Variants in EFCAB6 observed in about 807,000 individuals in gnomAD.
EFCAB6 encodes EF-hand calcium binding domain 6.
Under a neutral mutation model 169.8 loss-of-function variants are expected in EFCAB6, and 156 were observed. The observed-to-expected ratio is 0.92, with a 90% CI of 0.81 to 1.05. The LOEUF (loss-of-function observed/expected upper bound fraction) is 1.05. Ranked by LOEUF, EFCAB6 falls within the 50% of genes least tolerant of loss-of-function variation. EFCAB6 has a pLI of 0.00. For synonymous variants in EFCAB6, 698 were observed against 676.4 expected (o/e 1.03, Z -0.50); for missense variants, 1,800 against 1,829.1 (o/e 0.98, Z 0.29).
chr22:43,640,261 T>A (rs2055708114), intron 17 of EFCAB6, among the ~76,000 whole-genome samples: 1 of 152,200 alleles, frequency 6.6e-6, no homozygotes, highest in Non-Finnish European at 1.5e-5. Context: ...AAGAGTGACA[T>A]GTTTTATGTC....
intron 30 of EFCAB6, among the ~76,000 whole-genome samples, chr22:43,533,040 C>T (rs749542890): frequency 1.4e-4 from 22 of 152,360 alleles, no homozygotes; most frequent in East Asian, 5.8e-4. Flanking sequence ...CTGGAGCTGA[C>T]GCCATGATGG....
intron 28 of EFCAB6, among the ~76,000 whole-genome samples, chr22:43,538,453 A>G (rs1340678538): frequency 6.6e-6 from 1 of 152,108 alleles, no homozygotes; most frequent in African/African-American, 2.4e-5. Context: ...CAGTGGTGCA[A>G]TCTCGGCTCA....
intron 26 of EFCAB6, among the ~76,000 whole-genome samples, chr22:43,570,840 C>T (rs147328037): frequency 4.3e-4 from 66 of 152,294 alleles, no homozygotes; most frequent in African/African-American, 1.5e-3. Flanking sequence ...GGCTGGTTCT[C>T]AAGCCCAGGA....
chr22:43,577,370 A>C (rs947751749), intron 25 of EFCAB6, among the ~76,000 whole-genome samples: 1 of 152,202 alleles, frequency 6.6e-6, no homozygotes. Flanking sequence ...GGCACGCCCC[A>C]TTGGCCCAAC....
At chr22:43,706,219 C>A (rs1371812823) in intron 10 of EFCAB6, among the ~76,000 whole-genome samples, 1 of 152,216 alleles carries the variant, frequency 6.6e-6, no homozygotes, top group African/African-American at 2.4e-5. Flanking sequence ...GGCCCCAGAA[C>A]ATACCACGTG....
At chr22:43,776,473 G>A (rs2061645426) in intron 3 of EFCAB6, among the ~76,000 whole-genome samples, 2 of 152,176 alleles carry the variant, frequency 1.3e-5, no homozygotes, top group African/African-American at 4.8e-5. Context: ...AATGAAAATG[G>A]AAAGACAAAA....
chr22:43,531,725 A>G (rs975011683), intron 30 of EFCAB6, among the ~76,000 whole-genome samples: 9 of 152,008 alleles, frequency 5.9e-5, no homozygotes, highest in African/African-American at 1.9e-4. Flanking sequence ...CCAGGTACCC[A>G]AGACTTCATG....
intron 23 of EFCAB6, among the ~76,000 whole-genome samples, chr22:43,593,372 A>G (rs1188223420): frequency 6.6e-6 from 1 of 152,158 alleles, no homozygotes; most frequent in Non-Finnish European, 1.5e-5. Flanking sequence ...ACAGGCAGAG[A>G]AAGAGTGTAC....
chr22:43,665,102 T>C (rs2057185029), intron 17 of EFCAB6, among the ~76,000 whole-genome samples: 1 of 152,062 alleles, frequency 6.6e-6, no homozygotes, highest in Admixed American at 6.5e-5. Flanking sequence ...GAAAAAAAGG[T>C]TGTTGTCTTT....
chr22:43,683,170 G>A (rs2058069481), intron 12 of EFCAB6, among the ~76,000 whole-genome samples: 1 of 152,186 alleles, frequency 6.6e-6, no homozygotes, highest in South Asian at 2.1e-4. Context: ...TACCGAATGT[G>A]CTTAGTAAAT....
At chr22:43,549,398 A>G (rs534104613) in intron 27 of EFCAB6, among the ~76,000 whole-genome samples, 5 of 152,316 alleles carry the variant, frequency 3.3e-5, no homozygotes, top group Non-Finnish European at 2.9e-5. Context: ...AGATAACAGT[A>G]CACTATTAAT....
intron 6 of EFCAB6, among the ~76,000 whole-genome samples, chr22:43,740,769 GA>G (rs1344636233): frequency 6.6e-6 from 1 of 152,202 alleles, no homozygotes; most frequent in Non-Finnish European, 1.5e-5. Flanking sequence ...CGCTCTGCCT[GA>G]AAGAGGGAGC....
intron 5 of EFCAB6, 59 bp downstream of exon 5, chr22:43,765,246 A>C (rs1241809827): frequency 2.2e-6 from 3 of 1,346,170 alleles, no homozygotes; most frequent in East Asian, 2.3e-5. Flanking sequence ...GCTTCACGTC[A>C]TAGCTCTTAC....
intron 6 of EFCAB6, among the ~76,000 whole-genome samples, chr22:43,743,697 G>A (rs552324418): frequency 2.0e-5 from 3 of 152,280 alleles, no homozygotes; most frequent in South Asian, 2.1e-4. Context: ...AATATTAAGC[G>A]GCTGAAACGG....
chr22:43,567,348 G>A (rs1234767412), intron 26 of EFCAB6, among the ~76,000 whole-genome samples: 1 of 152,154 alleles, frequency 6.6e-6, no homozygotes, highest in African/African-American at 2.4e-5. Flanking sequence ...ATAAATTCAT[G>A]GGTGAAGTCA....
chr22:43,582,082 C>T lies in EFCAB6; in HGVS notation c.3033-1423G>A, dbSNP rs377642590. On this transcript the variant is annotated intron_variant, in intron 24 of 31. Coordinates refer to ENST00000262726, the MANE Select transcript of EFCAB6 (RefSeq NM_022785.4). ...GGTTTCAATACATAAAAAAGTTGAT[C>T]ACCCGCATTGAAAGGTGGGCTTCAG... Among the ~76,000 whole-genome samples, 5 of 152,280 alleles carry T rather than the reference C, an allele frequency of 3.3e-5. No individual in the cohort carries two copies. The East Asian group carries it at 7.7e-4, about 23-fold the overall frequency.
chr22:43,788,347 G>T (rs752891540), intron 2 of EFCAB6, among the ~76,000 whole-genome samples: 7 of 152,126 alleles, frequency 4.6e-5, no homozygotes, highest in Non-Finnish European at 8.8e-5. Flanking sequence ...TAAGGATTTA[G>T]TATGCAGAAT....
rs1410271152 is a variant in EFCAB6, at chr22:43,559,049, A to C, written c.3421-3953T>G. The stretch of plus-strand genomic sequence containing the variant: ...TCAAAGTAAAGAGCTTCTGCATAGC[A>C]AAATAAACTATCATCAGAGTGAACA... On this transcript the variant is annotated intron_variant, in intron 26 of 31. Coordinates refer to ENST00000262726, the MANE Select transcript of EFCAB6 (RefSeq NM_022785.4). Among the ~76,000 whole-genome samples, 6 of 152,348 alleles carry C rather than the reference A, an allele frequency of 3.9e-5. 1 individual carries two copies. The South Asian group carries it at 1.2e-3, about 32-fold the overall frequency.
intron 6 of EFCAB6, among the ~76,000 whole-genome samples, chr22:43,751,449 G>C (rs1190569329): frequency 1.3e-5 from 2 of 152,190 alleles, no homozygotes; most frequent in Non-Finnish European, 2.9e-5. Flanking sequence ...CTGCATCTTT[G>C]TTCAAGTTCT....
Sources: allele counts gnomAD v4.1 joint callset (sites outside exome capture counted in the v4.1 genomes callset), GRCh38; gene constraint gnomAD v4.1.1; transcripts MANE v1.5; gene names NCBI Gene and HGNC (gene_info 2026-07-23, HGNC 2026-07-21).